The following DIXDC1 variants were observed in gnomAD, a reference collection of about 807,000 sequenced individuals.
The protein encoded by DIXDC1 is DIX domain containing 1.
In DIXDC1, 64 loss-of-function variants were observed where a neutral mutation model predicts 103.1. The ratio of observed to expected loss-of-function variants is 0.62; its 90% confidence interval spans 0.51 to 0.76. The LOEUF is 0.76. Ranked by LOEUF, DIXDC1 falls within the 30% of genes least tolerant of loss-of-function variation. DIXDC1 has a pLI of 0.00. For synonymous variants in DIXDC1, 266 were observed against 298.5 expected, an observed-to-expected ratio of 0.89 and a Z score of 1.12; for missense variants, 759 against 834.2, an observed-to-expected ratio of 0.91 and a Z score of 1.11.
Position 112,021,453 on chromosome 11 carries a change from C to G in DIXDC1, c.*2417C>G, listed in dbSNP as rs587762328. On this transcript the variant is annotated 3_prime_UTR_variant, in exon 20 of 20. Transcript: ENST00000440460. ...GACTGATTCTGTTTGGAACAGTTTC[C>G]TATTTGGCTGCATTCTAGGAGGCCT... 71 of 152,178 alleles carry G rather than the reference C, an allele frequency of 4.7e-4. No homozygotes were observed. The highest frequency in any genetic ancestry group is 1.6e-3 in the African/African-American group (68 of 41,518). The allele number at this position is 152,178 out of a possible 1,614,324, so 9.4% of individuals were successfully genotyped here.
chr11:111,946,801 A>G (rs1384823963), intron 1 of DIXDC1: 1 of 477,326 alleles, frequency 2.1e-6, no homozygotes, highest in Non-Finnish European at 4.2e-6. Context: ...ATGAAGGTAA[A>G]CAGTTCTGTG....
At chr11:112,002,460 G>A (rs524756) in intron 17 of DIXDC1, among the ~76,000 whole-genome samples, 9,295 of 152,232 alleles carry the variant, frequency 0.061, 935 homozygotes, top group African/African-American at 0.21. Context: ...GTATATCAAA[G>A]AGGTATCTGC....
intron 5 of DIXDC1, among the ~76,000 whole-genome samples, chr11:111,978,696 C>T (rs1162773101): frequency 1.3e-5 from 2 of 152,186 alleles, no homozygotes; most frequent in African/African-American, 2.4e-5. Context: ...CCCTCCTCCC[C>T]GATTTTGTCT....
Position 111,977,540 on chromosome 11 carries a change from G to A in DIXDC1, c.656+2557G>A. 1.4e-6 allele frequency: 2 copies of A among 1,440,920 alleles called. No homozygotes were observed. The highest frequency in any genetic ancestry group is 1.4e-5 in the South Asian group (1 of 70,038). The allele number at this position is 1,440,920 out of a possible 1,614,324, so 89.3% of individuals were successfully genotyped here. A position where few individuals can be genotyped will look rare whatever the true frequency, so the allele number is the denominator to read the frequency against. On this transcript the variant is annotated intron_variant, in intron 5 of 19. Transcript: ENST00000440460. This position sits in a 1 kb window ranked among gnomAD's most constrained non-coding sequence, Gnocchi z 6.1. ...GCACAGTCTGAGCGGCCGGGACTGC[G>A]CGCTTCAGAGCCTGGAGCATCCCAG...
intron 2 of DIXDC1, among the ~76,000 whole-genome samples, chr11:111,966,386 C>A (rs1555171539): frequency 6.9e-6 from 1 of 144,276 alleles, no homozygotes; most frequent in African/African-American, 2.7e-5. Context: ...CCACGCCAAG[C>A]TAATTTTTGT....
intron 1 of DIXDC1, among the ~76,000 whole-genome samples, chr11:111,943,228 G>A (rs118050512): frequency 0.034 from 5,155 of 151,970 alleles, 128 homozygotes; most frequent in Non-Finnish European, 0.05. Context: ...CCTCCACCTC[G>A]CACCTCTTGG....
chr11:111,965,530 G>A (rs1468844651), intron 2 of DIXDC1, among the ~76,000 whole-genome samples: 4 of 152,270 alleles, frequency 2.6e-5, no homozygotes, highest in East Asian at 1.9e-4. Context: ...CAGCCCATCC[G>A]TGAATACCTC....
At chr11:111,999,494 CAT>C (rs1861001222) in intron 17 of DIXDC1, among the ~76,000 whole-genome samples, 1 of 152,146 alleles carries the variant, frequency 6.6e-6, no homozygotes, top group South Asian at 2.1e-4. Context: ...TAGAAGAAAA[CAT>C]AGAGAAAAAT....
At chr11:111,939,099 C>T (rs1378258713) in intron 1 of DIXDC1, among the ~76,000 whole-genome samples, 2 of 152,228 alleles carry the variant, frequency 1.3e-5, no homozygotes, top group Admixed American at 1.3e-4. Flanking sequence ...GGCAGAAGCT[C>T]TTTTAGTTGT....
rs75450548 is a variant in DIXDC1, at chr11:112,016,614, C to T, written c.1757-77C>T. The T allele has an allele frequency of 8.8e-4, 1,128 of 1,285,458 alleles. 6 individuals carry two copies. In the African/African-American group the frequency reaches 0.014, roughly 16 times the overall value. 79.6% of individuals were successfully genotyped at this position (1,285,458 alleles called of 1,614,324 possible). A position where few individuals can be genotyped will look rare whatever the true frequency, so the allele number is the denominator to read the frequency against. On this transcript the variant is annotated intron_variant, in intron 17 of 19. Transcript: ENST00000440460. ...GTGACCTCAGGCAGCTTTGTTCTCCCGGGACACTTTGAATAACTGCAGATG... is the reference window on the plus strand; with the variant it reads ...GTGACCTCAGGCAGCTTTGTTCTCCTGGGACACTTTGAATAACTGCAGATG...
chr11:111,995,208 C>T (rs1860854632), intron 15 of DIXDC1, 100 bp downstream of exon 15: 1 of 1,369,648 alleles, frequency 7.3e-7, no homozygotes, highest in Non-Finnish European at 1.0e-6. Flanking sequence ...TATTCCAGTT[C>T]CCTAATTCCT....
In DIXDC1 at chr11:112,016,672, AG is replaced by A; in HGVS notation, c.1757-18del. 5 of 1,568,844 alleles carry A rather than the reference AG, an allele frequency of 3.2e-6. No homozygotes were observed. Among genetic ancestry groups the A allele is most frequent in the Non-Finnish European group, 4.3e-6 (5 of 1,157,746 alleles). ...TAGAGCAAATGAATGTTCTAACCACAGTCTCTTTCTGATTGTAGAGTTGCCT... is the reference window on the plus strand; with the variant it reads ...TAGAGCAAATGAATGTTCTAACCACATCTCTTTCTGATTGTAGAGTTGCCT... On this transcript the variant is annotated intron_variant, in intron 17 of 19. Coordinates refer to ENST00000440460, the MANE Select transcript of DIXDC1 (RefSeq NM_001037954.4).
chr11:112,004,325 A>T (rs587738925), intron 17 of DIXDC1, among the ~76,000 whole-genome samples: 1 of 152,182 alleles, frequency 6.6e-6, no homozygotes, highest in Non-Finnish European at 1.5e-5. Context: ...CATCCAGACC[A>T]TTCTCGCTTA....
At chr11:111,982,652 A>G (rs587664413) in intron 7 of DIXDC1, among the ~76,000 whole-genome samples, 165 bp downstream of exon 7, 6 of 152,318 alleles carry the variant, frequency 3.9e-5, no homozygotes, top group South Asian at 2.1e-4. Context: ...TTATATTTGA[A>G]TACTTTAAAT....
At chr11:112,002,260 GAAA>G (rs58201567) in intron 17 of DIXDC1, among the ~76,000 whole-genome samples, 1 of 136,768 alleles carries the variant, frequency 7.3e-6, no homozygotes, top group African/African-American at 2.6e-5. Context: ...GCAGGCATGT[GAAA>G]AAAAAAAAAA....
chr11:111,969,032 G>A (rs1317003301), intron 3 of DIXDC1, among the ~76,000 whole-genome samples: 1 of 151,968 alleles, frequency 6.6e-6, no homozygotes, highest in African/African-American at 2.4e-5. Context: ...CCTCGCCTTG[G>A]CCTCCCAAAG....
intron 10 of DIXDC1, among the ~76,000 whole-genome samples, chr11:111,990,319 G>A (rs1860662191): frequency 6.7e-6 from 1 of 148,536 alleles, no homozygotes; most frequent in Non-Finnish European, 1.5e-5. Flanking sequence ...TTGAACTCCT[G>A]ACCTCAGGTG....
chr11:111,953,931 GC>G (rs1755029272), intron 1 of DIXDC1, among the ~76,000 whole-genome samples: 1 of 151,900 alleles, frequency 6.6e-6, no homozygotes, highest in African/African-American at 2.4e-5. Flanking sequence ...CAAAAGAAAC[GC>G]GTCTGTACTG....
intron 10 of DIXDC1, among the ~76,000 whole-genome samples, chr11:111,989,618 C>T (rs1229445096): frequency 1.5e-5 from 2 of 137,372 alleles, no homozygotes; most frequent in South Asian, 2.3e-4. Context: ...GGTGAGACTC[C>T]GTCTCGGAAA....
Sources: allele counts gnomAD v4.1 joint callset (sites outside exome capture counted in the v4.1 genomes callset), GRCh38; gene constraint gnomAD v4.1.1; non-coding constraint Gnocchi (gnomAD v3.1); transcripts MANE v1.5; gene names NCBI Gene and HGNC (gene_info 2026-07-23, HGNC 2026-07-21).